PSD3: variants seen among roughly 807,000 people sequenced by gnomAD.
PSD3 encodes PH and SEC7 domain-containing protein 3.
In PSD3, 49 loss-of-function variants were observed where a neutral mutation model predicts 105.5. The observed-to-expected ratio is 0.46, with a 90% CI of 0.37 to 0.59. The LOEUF is 0.59. Ranked by LOEUF, PSD3 falls within the 20% of genes least tolerant of loss-of-function variation. PSD3 has a pLI of 0.00. For missense variants in PSD3, 1,561 were observed against 1,263.8 expected (o/e 1.24, Z -3.57); for synonymous variants, 557 against 457.8 (o/e 1.22, Z -2.77).
chr8:18,888,443 T>G (rs1818574081), intron 2 of PSD3, among the ~76,000 whole-genome samples: 1 of 151,802 alleles, frequency 6.6e-6, no homozygotes, highest in Non-Finnish European at 1.5e-5. Flanking sequence ...TATGTTACCT[T>G]GAGCAAGTTA....
At chr8:18,782,976 T>G (rs1316928083) in intron 8 of PSD3, among the ~76,000 whole-genome samples, 1 of 152,256 alleles carries the variant, frequency 6.6e-6, no homozygotes, top group Non-Finnish European at 1.5e-5. Context: ...ATCTTTATCA[T>G]GACTTGTCTC....
At chr8:19,070,683 A>C (rs937246920) in intron 1 of PSD3, among the ~76,000 whole-genome samples, 2 of 152,152 alleles carry the variant, frequency 1.3e-5, no homozygotes, top group Non-Finnish European at 2.9e-5. Context: ...GTCTCAAAAA[A>C]TAAGAAATAT....
At chr8:18,846,005 C>G (rs1028108038) in intron 4 of PSD3, among the ~76,000 whole-genome samples, 5 of 152,206 alleles carry the variant, frequency 3.3e-5, no homozygotes, top group African/African-American at 1.2e-4. Context: ...GCATTCCACT[C>G]TCTGGGAGTG....
chr8:18,667,321 C>G (rs1334442091), intron 9 of PSD3, among the ~76,000 whole-genome samples: 1 of 152,108 alleles, frequency 6.6e-6, no homozygotes, highest in Admixed American at 6.5e-5. Flanking sequence ...ACTAGATTAG[C>G]TAGATACAGA....
At chr8:18,819,036 CA>C (rs1812468369) in intron 4 of PSD3, among the ~76,000 whole-genome samples, 1 of 149,616 alleles carries the variant, frequency 6.7e-6, no homozygotes, top group African/African-American at 2.5e-5. Flanking sequence ...CTCTAGGCCA[CA>C]AGGACTTAAG....
chr8:18,937,638 G>A (rs763753875), intron 1 of PSD3, among the ~76,000 whole-genome samples: 5 of 152,134 alleles, frequency 3.3e-5, no homozygotes, highest in Non-Finnish European at 7.3e-5. Context: ...CGCGTCAAAT[G>A]TATCGGTCTG....
At chr8:18,844,877 C>G (rs775273934) in intron 4 of PSD3, among the ~76,000 whole-genome samples, 5 of 152,174 alleles carry the variant, frequency 3.3e-5, no homozygotes, top group Non-Finnish European at 7.3e-5. Flanking sequence ...GACATCACTA[C>G]AGCGCTGGGA....
In PSD3 at chr8:18,684,058, C is replaced by T. The variant is rs1800524494; in HGVS notation, c.2173-28373G>A. The T allele has an allele frequency of 9.6e-6, 6 of 622,000 alleles. No individual in the cohort carries two copies. In the Admixed American group the frequency reaches 9.8e-5, roughly 10 times the overall value. The allele number at this position is 622,000 out of a possible 1,614,324, so 38.5% of individuals were successfully genotyped here. ...AGCAGCTCCTGAGCGCCGTGATCCG[C>T]GTTAGCTTAAGAAGCACCAGGCTGC... On this transcript the variant is annotated intron_variant, in intron 9 of 15. Coordinates refer to ENST00000327040, the MANE Select transcript of PSD3 (RefSeq NM_015310.4).
At chr8:18,809,880 A>T (rs1402977530) in intron 4 of PSD3, among the ~76,000 whole-genome samples, 1 of 152,200 alleles carries the variant, frequency 6.6e-6, no homozygotes. Flanking sequence ...AAACAAAAAC[A>T]CAAAAACCCT....
rs1801596672 is a variant in PSD3 at position 18,701,797 on chromosome 8, C to T, written c.2173-46112G>A. Among the ~76,000 whole-genome samples the T allele has an allele frequency of 1.3e-5, 2 of 152,146 alleles. 1 individual carries two copies. The highest frequency in any genetic ancestry group is 4.1e-4 in the South Asian group (2 of 4,828). Reference sequence around the variant, plus strand: ...TATAAGAGCTTTACAACTGCATAGCCATGAGCTTTCCTGAGGGAGTAAAAA... The same window carrying T: ...TATAAGAGCTTTACAACTGCATAGCTATGAGCTTTCCTGAGGGAGTAAAAA... On this transcript the variant is annotated intron_variant, in intron 9 of 15. Coordinates refer to ENST00000327040, the MANE Select transcript of PSD3 (RefSeq NM_015310.4).
chr8:18,883,935 A>C (rs1413961154), intron 2 of PSD3, among the ~76,000 whole-genome samples: 1 of 152,196 alleles, frequency 6.6e-6, no homozygotes, highest in Non-Finnish European at 1.5e-5. Context: ...CCTAATGAAT[A>C]CCAGTTAGTA....
chr8:19,031,037 G>A (rs1283505418), intron 1 of PSD3, among the ~76,000 whole-genome samples: 2 of 152,076 alleles, frequency 1.3e-5, no homozygotes, highest in African/African-American at 4.8e-5. Flanking sequence ...TATCTATGTG[G>A]GGCTATGCTA....
chr8:18,977,924 G>A (rs374894936), intron 1 of PSD3, among the ~76,000 whole-genome samples: 11 of 152,276 alleles, frequency 7.2e-5, no homozygotes, highest in East Asian at 5.8e-4. Flanking sequence ...TAAACTGAGA[G>A]GCTTCCAATG....
At chr8:18,545,660 G>A (rs1462445658) in intron 15 of PSD3, among the ~76,000 whole-genome samples, 2 of 152,130 alleles carry the variant, frequency 1.3e-5, no homozygotes, top group Non-Finnish European at 2.9e-5. Context: ...AAACAAAAAA[G>A]GTAGCTTGTT....
intron 4 of PSD3, among the ~76,000 whole-genome samples, chr8:18,842,075 T>C (rs993067768): frequency 6.6e-6 from 1 of 152,068 alleles, no homozygotes; most frequent in African/African-American, 2.4e-5. Context: ...CTTCCCATGT[T>C]AACCAGGATT....
At chr8:19,019,924 T>C (rs1038213114) in intron 1 of PSD3, among the ~76,000 whole-genome samples, 10 of 151,986 alleles carry the variant, frequency 6.6e-5, no homozygotes, top group African/African-American at 2.4e-4. Context: ...GGAGGGAGTA[T>C]AGTAAGTGCA....
intron 4 of PSD3, among the ~76,000 whole-genome samples, chr8:18,859,544 G>A (rs1226156387): frequency 1.3e-5 from 2 of 152,184 alleles, no homozygotes; most frequent in Non-Finnish European, 2.9e-5. Context: ...CCAATAGATG[G>A]CTATTTGGTT....
intron 1 of PSD3, among the ~76,000 whole-genome samples, chr8:18,997,461 T>C (rs1826141724): frequency 6.6e-6 from 1 of 151,880 alleles, no homozygotes; most frequent in Non-Finnish European, 1.5e-5. Context: ...GCCTCCCAAC[T>C]GGTTTTCCTA....
At chr8:18,614,562 A>G (rs1805514391) in intron 11 of PSD3, among the ~76,000 whole-genome samples, 1 of 152,156 alleles carries the variant, frequency 6.6e-6, no homozygotes, top group Non-Finnish European at 1.5e-5. Context: ...AAAAGGAACA[A>G]ATAAGGCTTA....
Sources: allele counts gnomAD v4.1 joint callset (sites outside exome capture counted in the v4.1 genomes callset), GRCh38; gene constraint gnomAD v4.1.1; transcripts MANE v1.5; gene names NCBI Gene and HGNC (gene_info 2026-07-23, HGNC 2026-07-21).